HMGN5: variants seen among roughly 807,000 people sequenced by gnomAD.
HMGN5 encodes the protein high mobility group nucleosome binding domain 5.
HMGN5 carries 4 observed loss-of-function variants against 9.5 expected under a neutral mutation model. The ratio of observed to expected loss-of-function variants is 0.42; its 90% CI spans 0.21 to 0.96. The LOEUF is 0.96. HMGN5 is among the 40% of genes least tolerant of loss of function. HMGN5 has a pLI of 0.30. For missense variants in HMGN5, 192 were observed against 187.5 expected (o/e 1.02, Z -0.14); for synonymous variants, 55 against 57.1 (o/e 0.96, Z 0.16).
intron 1 of HMGN5, among the ~76,000 whole-genome samples, chrX:81,172,827 T>A (rs947619801): frequency 9.0e-6 from 1 of 111,001 alleles, no homozygotes; most frequent in Non-Finnish European, 1.9e-5. Flanking sequence ...TAGAAACTGA[T>A]AAGACATATA....
At chrX:81,146,789 G>A (rs2075345547) in intron 1 of HMGN5, among the ~76,000 whole-genome samples, 1 of 111,266 alleles carries the variant, frequency 9.0e-6, no homozygotes, top group Non-Finnish European at 1.9e-5. Context: ...GAATCAAATA[G>A]ACACAATAAA....
intron 1 of HMGN5, among the ~76,000 whole-genome samples, chrX:81,123,350 T>G (rs1470752881): frequency 2.7e-5 from 3 of 111,296 alleles, no homozygotes; most frequent in African/African-American, 6.5e-5. Context: ...GCATTCTAAT[T>G]CAAGTAAGTA....
chrX:81,142,588 G>GA lies in HMGN5; in HGVS notation c.-123-20917dup, dbSNP rs796653182. On this transcript the variant is annotated intron_variant, in intron 1 of 6. Transcript: ENST00000358130. ...ACATGACATATTCAAAGTACTGAAG[G>GA]AAAAAAAAACTTTTATCCTAGAATA... 2.9e-3 allele frequency among the ~76,000 whole-genome samples: 317 copies of GA among 109,554 alleles called. 1 individual carries two copies. The highest frequency in any genetic ancestry group is 0.014 in the Middle Eastern group (3 of 215).
chrX:81,180,032 C>A (rs776178234), intron 1 of HMGN5, among the ~76,000 whole-genome samples: 3 of 111,609 alleles, frequency 2.7e-5, no homozygotes, highest in African/African-American at 9.8e-5. Flanking sequence ...CTCTTCCTTA[C>A]ACCTTATACA....
intron 1 of HMGN5, among the ~76,000 whole-genome samples, chrX:81,156,557 C>G (rs1330097685): frequency 1.8e-5 from 2 of 111,409 alleles, no homozygotes; most frequent in African/African-American, 6.6e-5. Flanking sequence ...TCTCTGTATT[C>G]CCTTTATTTG....
intron 5 of HMGN5, among the ~76,000 whole-genome samples, chrX:81,117,013 T>C (rs976171215): frequency 5.4e-5 from 6 of 111,031 alleles, no homozygotes; most frequent in Non-Finnish European, 9.4e-5. Flanking sequence ...AGCAAAGGCA[T>C]AAGTATCTTT....
chrX:81,181,190 G>A (rs1219123170), intron 1 of HMGN5, among the ~76,000 whole-genome samples: 2 of 111,269 alleles, frequency 1.8e-5, no homozygotes, highest in Admixed American at 1.9e-4. Context: ...AGAAGTTACA[G>A]TATAATAAAA....
chrX:81,197,949 A>C (rs925340504), intron 1 of HMGN5, among the ~76,000 whole-genome samples: 1 of 111,479 alleles, frequency 9.0e-6, no homozygotes, highest in Non-Finnish European at 1.9e-5. Flanking sequence ...TATTTGTATA[A>C]AGATTTTGAG....
chrX:81,143,197 A>G lies in HMGN5; in HGVS notation c.-123-21525T>C, dbSNP rs555853148. Among the ~76,000 whole-genome samples, 35 of 112,016 alleles carry G rather than the reference A, an allele frequency of 3.1e-4. No individual in the cohort carries two copies. In the South Asian group the frequency reaches 0.012, roughly 40 times the overall value. ...AGAGAAAATCACCTTCACTAAAGGA[A>G]GACAGAAAGGAGAGAAAGAAAGAAG... On this transcript the variant is annotated intron_variant, in intron 1 of 6. Coordinates refer to ENST00000358130, the MANE Select transcript of HMGN5 (RefSeq NM_030763.3).
chrX:81,126,925 TC>T (rs771793478), intron 1 of HMGN5, among the ~76,000 whole-genome samples: 1 of 111,759 alleles, frequency 8.9e-6, no homozygotes, highest in East Asian at 2.8e-4. Context: ...ATTTACTAAA[TC>T]CTATCTATTG....
At chrX:81,165,898 T>C (rs759923808) in intron 1 of HMGN5, among the ~76,000 whole-genome samples, 1 of 111,710 alleles carries the variant, frequency 9.0e-6, no homozygotes, top group South Asian at 3.8e-4. Flanking sequence ...CTGCAGTTAA[T>C]TGGTGACCTA....
intron 1 of HMGN5, among the ~76,000 whole-genome samples, chrX:81,178,679 G>A (rs1269453560): frequency 8.9e-6 from 1 of 111,964 alleles, no homozygotes; most frequent in East Asian, 2.8e-4. Flanking sequence ...GAAAAAGAGG[G>A]AATCCTTGCT....
chrX:81,129,139 T>G (rs2075292243), intron 1 of HMGN5, among the ~76,000 whole-genome samples: 1 of 111,269 alleles, frequency 9.0e-6, no homozygotes, highest in South Asian at 3.8e-4. Flanking sequence ...ATAAAGTGGC[T>G]GTGGGACGCC....
At chrX:81,146,174 C>T (rs2075343157) in intron 1 of HMGN5, among the ~76,000 whole-genome samples, 4 of 111,849 alleles carry the variant, frequency 3.6e-5, no homozygotes, top group Admixed American at 2.9e-4. Flanking sequence ...ACAGAACTCT[C>T]CACCACAAAT....
intron 1 of HMGN5, among the ~76,000 whole-genome samples, chrX:81,175,365 A>G (rs199744826): frequency 3.9e-5 from 4 of 102,918 alleles, no homozygotes; most frequent in African/African-American, 6.9e-5. Context: ...GTGTGTGTGT[A>G]TGTGTGTATT....
chrX:81,129,025 G>T (rs751964828), intron 1 of HMGN5, among the ~76,000 whole-genome samples: 1 of 111,649 alleles, frequency 9.0e-6, no homozygotes, highest in Non-Finnish European at 1.9e-5. Flanking sequence ...GTAGGAGAGA[G>T]AAAAAGAGCC....
intron 1 of HMGN5, among the ~76,000 whole-genome samples, chrX:81,169,162 C>G (rs2075418683): frequency 9.0e-6 from 1 of 111,404 alleles, no homozygotes; most frequent in South Asian, 3.8e-4. Flanking sequence ...CTAATTCACA[C>G]TAGGAGTAAT....
At chrX:81,166,972 G>A (rs2075412795) in intron 1 of HMGN5, among the ~76,000 whole-genome samples, 1 of 111,197 alleles carries the variant, frequency 9.0e-6, no homozygotes, top group Admixed American at 9.6e-5. Flanking sequence ...GCTCGTCTTG[G>A]AGAGGGGACT....
intron 1 of HMGN5, among the ~76,000 whole-genome samples, chrX:81,178,589 C>T (rs1269170152): frequency 9.0e-6 from 1 of 111,674 alleles, no homozygotes; most frequent in Non-Finnish European, 1.9e-5. Context: ...AGTCCAGGAA[C>T]AGATGGATTC....
Sources: gnomAD v4.1 joint callset for allele counts (sites outside exome capture counted in the v4.1 genomes callset) on GRCh38, gnomAD v4.1.1 for gene constraint, MANE v1.5 for transcripts, NCBI Gene and HGNC (gene_info 2026-07-23, HGNC 2026-07-21) for gene names.